SPOCK1: variants seen among roughly 807,000 people sequenced by gnomAD.
SPOCK1 encodes the protein testican-1.
A neutral mutation model predicts 55.3 loss-of-function variants in SPOCK1; 23 were observed. That is an observed-to-expected ratio of 0.42 (90% CI 0.30 to 0.59). The LOEUF is 0.59. Ranked by LOEUF, SPOCK1 falls within the 20% of genes least tolerant of loss-of-function variation. The pLI is 0.22. For synonymous variants in SPOCK1, 226 were observed against 221.0 expected, an observed-to-expected ratio of 1.02 and a Z score of -0.20; for missense variants, 499 against 552.5, an observed-to-expected ratio of 0.90 and a Z score of 0.97.
intron 6 of SPOCK1, among the ~76,000 whole-genome samples, chr5:137,032,996 A>T (rs182562116): frequency 2.0e-5 from 3 of 152,352 alleles, no homozygotes; most frequent in Non-Finnish European, 4.4e-5. Context: ...AGTGCAGCTA[A>T]ATCAGGAAGA....
chr5:137,107,083 G>C (rs1171979836), intron 5 of SPOCK1, among the ~76,000 whole-genome samples: 1 of 152,154 alleles, frequency 6.6e-6, no homozygotes, highest in African/African-American at 2.4e-5. Flanking sequence ...ACTGGTTGAG[G>C]TGGCCTTGCT....
chr5:137,208,419 G>C (rs115308387), intron 3 of SPOCK1, among the ~76,000 whole-genome samples: 2 of 152,262 alleles, frequency 1.3e-5, no homozygotes, highest in Admixed American at 6.5e-5. Context: ...ACTGAATTCT[G>C]CTTCCCTAAA....
chr5:137,255,297 G>A (rs537700071), intron 3 of SPOCK1, among the ~76,000 whole-genome samples: 10 of 152,214 alleles, frequency 6.6e-5, no homozygotes, highest in East Asian at 3.9e-4. Context: ...TACCAGCCTC[G>A]TTTACACATC....
At chr5:137,160,281 C>T (rs975651973) in intron 3 of SPOCK1, among the ~76,000 whole-genome samples, 3 of 144,976 alleles carry the variant, frequency 2.1e-5, no homozygotes, top group African/African-American at 7.7e-5. Flanking sequence ...ACTGCAAATG[C>T]TGTTAATTCA....
chr5:137,029,391 A>T (rs1419314686), intron 6 of SPOCK1, among the ~76,000 whole-genome samples: 1 of 152,240 alleles, frequency 6.6e-6, no homozygotes, highest in African/African-American at 2.4e-5. Context: ...CTTAATGATA[A>T]ACTTATATGA....
intron 2 of SPOCK1, among the ~76,000 whole-genome samples, chr5:137,455,719 T>C (rs1753350536): frequency 6.6e-6 from 1 of 152,120 alleles, no homozygotes; most frequent in Admixed American, 6.6e-5. Context: ...AGCCACCAGC[T>C]TTCTTCATGG....
chr5:136,980,169 C>G (rs972782844), intron 9 of SPOCK1, among the ~76,000 whole-genome samples: 3 of 123,530 alleles, frequency 2.4e-5, no homozygotes, highest in African/African-American at 8.6e-5. Flanking sequence ...TTACTATCTC[C>G]CTGTTTGCAG....
intron 3 of SPOCK1, among the ~76,000 whole-genome samples, chr5:137,256,226 C>T (rs914184778): frequency 6.6e-6 from 1 of 151,438 alleles, no homozygotes; most frequent in African/African-American, 2.5e-5. Flanking sequence ...CTTTTAAAGG[C>T]TAAACCACTC....
At chr5:137,427,634 G>T (rs1752660698) in intron 2 of SPOCK1, among the ~76,000 whole-genome samples, 1 of 152,160 alleles carries the variant, frequency 6.6e-6, no homozygotes, top group African/African-American at 2.4e-5. Context: ...AACTGGCTGG[G>T]CACGATGGCT....
chr5:136,995,165 G>A (rs901018813), intron 6 of SPOCK1, among the ~76,000 whole-genome samples: 14 of 152,142 alleles, frequency 9.2e-5, no homozygotes, highest in African/African-American at 3.4e-4. Flanking sequence ...TCAGGTTAGC[G>A]ATCATTTTGG....
intron 6 of SPOCK1, among the ~76,000 whole-genome samples, chr5:136,998,925 CCTTT>C (rs1751097678): frequency 6.6e-6 from 1 of 152,212 alleles, no homozygotes; most frequent in Non-Finnish European, 1.5e-5. Flanking sequence ...GTGGACTTTT[CCTTT>C]CTGTTTGGAA....
rs539651565 is a variant in SPOCK1 at position 137,275,379 on chromosome 5, C to A, written c.187-8324G>T. On this transcript the variant is annotated intron_variant, in intron 2 of 10. Coordinates refer to ENST00000394945, the MANE Select transcript of SPOCK1 (RefSeq NM_004598.4). ...CAGCTATTAACTACCACCTCACCATCCCTCCCCACTTATCCTCTCACCAAA... is the reference window on the plus strand; with the variant it reads ...CAGCTATTAACTACCACCTCACCATACCTCCCCACTTATCCTCTCACCAAA... Among the ~76,000 whole-genome samples the A allele has an allele frequency of 1.4e-4, 22 of 152,300 alleles. No homozygotes were observed. The South Asian group carries it at 3.7e-3, about 26-fold the overall frequency.
intron 3 of SPOCK1, among the ~76,000 whole-genome samples, chr5:137,191,161 T>C (rs1755172105): frequency 6.6e-6 from 1 of 152,232 alleles, no homozygotes; most frequent in Non-Finnish European, 1.5e-5. Context: ...CTAACTCTTC[T>C]TGGCTGGGAT....
intron 6 of SPOCK1, among the ~76,000 whole-genome samples, chr5:137,006,229 T>A (rs1391980102): frequency 1.3e-5 from 2 of 152,172 alleles, no homozygotes; most frequent in African/African-American, 4.8e-5. Flanking sequence ...TAGTTTTTTC[T>A]AATTCTGTGA....
chr5:137,329,030 C>A (rs1195989583), intron 2 of SPOCK1, among the ~76,000 whole-genome samples: 3 of 152,132 alleles, frequency 2.0e-5, no homozygotes, highest in African/African-American at 7.2e-5. Context: ...ATGATTCTGG[C>A]TGTGTCTGTG....
Position 137,497,847 on chromosome 5 carries a change from A to AACAC in SPOCK1, c.186+522_186+525dup, listed in dbSNP as rs113944229. ...GCCCATTGCCATGACCGCCTCCCTCAACACACACACACACACACATGCAAC... is the reference window on the plus strand; with the variant it reads ...GCCCATTGCCATGACCGCCTCCCTCAACACACACACACACACACACACATGCAAC... On this transcript the variant is annotated intron_variant, in intron 2 of 10. Coordinates refer to ENST00000394945, the MANE Select transcript of SPOCK1 (RefSeq NM_004598.4). Among the ~76,000 whole-genome samples, 652 of 149,486 alleles carry AACAC rather than the reference A, an allele frequency of 4.4e-3. 5 individuals carry two copies. Among genetic ancestry groups the AACAC allele is most frequent in the Middle Eastern group, 0.024 (7 of 290 alleles).
At chr5:137,395,433 G>C (rs1751823478) in intron 2 of SPOCK1, among the ~76,000 whole-genome samples, 1 of 152,186 alleles carries the variant, frequency 6.6e-6, no homozygotes, top group African/African-American at 2.4e-5. Flanking sequence ...CATTTTCACT[G>C]GTCTGGGATG....
chr5:137,240,842 G>A (rs1158535442), intron 3 of SPOCK1, among the ~76,000 whole-genome samples: 1 of 152,104 alleles, frequency 6.6e-6, no homozygotes, highest in Non-Finnish European at 1.5e-5. Flanking sequence ...AAATAGTGTG[G>A]GACTGGTACT....
chr5:137,075,864 T>A (rs1002135165), intron 5 of SPOCK1, among the ~76,000 whole-genome samples: 2 of 152,232 alleles, frequency 1.3e-5, no homozygotes, highest in Non-Finnish European at 2.9e-5. Context: ...TCCACTGTTC[T>A]CACTTCTGGA....
Sources: allele counts gnomAD v4.1 joint callset (sites outside exome capture counted in the v4.1 genomes callset), GRCh38; gene constraint gnomAD v4.1.1; transcripts MANE v1.5; gene names NCBI Gene and HGNC (gene_info 2026-07-23, HGNC 2026-07-21).